STK32B: variants seen among roughly 807,000 people sequenced by gnomAD.
The protein encoded by STK32B is serine/threonine kinase 32B, also known as serine/threonine-protein kinase 32B.
Under a neutral mutation model 52.6 loss-of-function variants are expected in STK32B, and 43 were observed. That is an observed-to-expected ratio of 0.82 (90% confidence interval 0.64 to 1.05). The LOEUF is 1.05. Among genes scored for constraint, STK32B ranks in the 50% least tolerant of loss-of-function variants. The pLI is 0.00. For missense variants in STK32B, 621 were observed against 534.6 expected (o/e 1.16, Z -1.59); for synonymous variants, 238 against 204.3 (o/e 1.17, Z -1.41).
chr4:5,438,438 C>G (rs559067307), intron 6 of STK32B, among the ~76,000 whole-genome samples: 88 of 152,272 alleles, frequency 5.8e-4, no homozygotes, highest in Non-Finnish European at 9.3e-4. Context: ...CAAAAAGATG[C>G]TGAAAATACA....
intron 2 of STK32B, among the ~76,000 whole-genome samples, chr4:5,148,888 T>C (rs570105470): frequency 6.6e-6 from 1 of 151,970 alleles, no homozygotes; most frequent in African/African-American, 2.4e-5. Context: ...TTGCTTCTTA[T>C]ACGTTGAGAT....
intron 3 of STK32B, among the ~76,000 whole-genome samples, chr4:5,316,202 TA>T (rs1194705854): frequency 4.3e-5 from 4 of 93,868 alleles, no homozygotes; most frequent in Admixed American, 1.6e-4. Flanking sequence ...TTTAGATATA[TA>T]ATATATATTA....
chr4:5,045,554 G>C, the STK32B span, among the ~76,000 whole-genome samples: 1 of 152,164 alleles, frequency 6.6e-6, no homozygotes, highest in South Asian at 2.1e-4. Context: ...ATGATGGAAG[G>C]TTTTTCCATT....
chr4:5,451,635 T>C lies in STK32B; in HGVS notation c.666+4859T>C, dbSNP rs1044935598. ...TACAGGTTTCTCCACCTCGGCACTATGGACATTTGAGGCCAGATGATTTTT... is the reference window on the plus strand; with the variant it reads ...TACAGGTTTCTCCACCTCGGCACTACGGACATTTGAGGCCAGATGATTTTT... On this transcript the variant is annotated intron_variant, in intron 7 of 11. Coordinates refer to ENST00000282908, the MANE Select transcript of STK32B (RefSeq NM_018401.3). Among the ~76,000 whole-genome samples the C allele has an allele frequency of 3.9e-5, 6 of 152,160 alleles. No individual in the cohort carries two copies. In the East Asian group the frequency reaches 9.6e-4, roughly 24 times the overall value.
chr4:5,140,614 G>A (rs577990220), intron 2 of STK32B, among the ~76,000 whole-genome samples: 1 of 152,298 alleles, frequency 6.6e-6, no homozygotes, highest in East Asian at 1.9e-4. Flanking sequence ...ACATAGGCGG[G>A]AAGTGTCAAA....
the STK32B span, among the ~76,000 whole-genome samples, chr4:5,033,559 T>TTTTTG: frequency 1.3e-5 from 2 of 152,296 alleles, no homozygotes; most frequent in South Asian, 4.1e-4. Context: ...TGTGAGCAAT[T>TTTTTG]TTTTGTTTTG....
rs567435443 is a variant in STK32B, at chr4:5,136,898, C to G, written c.53-3007C>G. Among the ~76,000 whole-genome samples, 3 of 152,320 alleles carry G rather than the reference C, an allele frequency of 2.0e-5. No homozygotes were observed. In the South Asian group the frequency reaches 6.2e-4, roughly 32 times the overall value. On this transcript the variant is annotated intron_variant, in intron 1 of 11. Transcript: ENST00000282908. The stretch of plus-strand genomic sequence containing the variant: ...GTGCTCAAAGTCATCTACATCCAAT[C>G]TAGTCCAAGAAGCAGACAAGCATTC...
At chr4:5,275,859 A>C (rs1727783283) in intron 3 of STK32B, among the ~76,000 whole-genome samples, 1 of 151,996 alleles carries the variant, frequency 6.6e-6, no homozygotes, top group Non-Finnish European at 1.5e-5. Flanking sequence ...CCTCTCATGT[A>C]AGATTTGTAG....
At chr4:5,130,012 C>A (rs1715651293) in intron 1 of STK32B, among the ~76,000 whole-genome samples, 1 of 152,004 alleles carries the variant, frequency 6.6e-6, no homozygotes, top group African/African-American at 2.4e-5. Context: ...AGGAGAGGTG[C>A]AGACAATAAA....
At chr4:5,268,972 A>T (rs548471911) in intron 3 of STK32B, among the ~76,000 whole-genome samples, 4 of 152,140 alleles carry the variant, frequency 2.6e-5, no homozygotes, top group Non-Finnish European at 5.9e-5. Context: ...ACCCCACATT[A>T]CTGACTTGAG....
chr4:5,149,573 AT>A (rs1297947941), intron 2 of STK32B, among the ~76,000 whole-genome samples: 1 of 151,850 alleles, frequency 6.6e-6, no homozygotes, highest in African/African-American at 2.4e-5. Context: ...GAGGGTTGAT[AT>A]TTTACACTTT....
chr4:5,458,909 C>T (rs1716797533), intron 8 of STK32B: 1 of 152,190 alleles, frequency 6.6e-6, no homozygotes. Flanking sequence ...AAGTCAGTGT[C>T]TCTTAACCCT....
Position 5,051,851 on chromosome 4 carries a change from G to A in STK32B, c.-13G>A. 6.3e-7 allele frequency: 1 copy of A among 1,594,758 alleles called. No individual in the cohort carries two copies. The highest frequency in any genetic ancestry group is 8.5e-7 in the Non-Finnish European group (1 of 1,171,402). ...AGCGGCCGGGCATGTAGCAGCGGCA[G>A]CAACGGCGGAATATGGGCGGGAACC... On this transcript the variant is annotated 5_prime_UTR_variant, in exon 1 of 12. Coordinates refer to ENST00000282908, the MANE Select transcript of STK32B (RefSeq NM_018401.3).
In STK32B at chr4:5,495,660, T is replaced by TA. The variant is rs533240172; in HGVS notation, c.1107-3284dup. On this transcript the variant is annotated intron_variant, in intron 11 of 11. Transcript: ENST00000282908. ...GGAGGAGGAGAGGCACTCTGCTTTT[T>TA]AGAGTTTCCAGTTTTTCTGCTCTGT... 5.5e-3 allele frequency among the ~76,000 whole-genome samples: 838 copies of TA among 152,318 alleles called. 3 individuals carry two copies. Among genetic ancestry groups the TA allele is most frequent in the Non-Finnish European group, 9.7e-3 (661 of 68,030 alleles).
intron 2 of STK32B, among the ~76,000 whole-genome samples, chr4:5,157,610 T>TG (rs1309552288): frequency 6.6e-6 from 1 of 152,214 alleles, no homozygotes; most frequent in African/African-American, 2.4e-5. Context: ...GCAAAGGTCC[T>TG]GAGGCAGGAA....
chr4:5,168,481 G>C, intron 3 of STK32B, 31 bp downstream of exon 3: 1 of 1,595,522 alleles, frequency 6.3e-7, no homozygotes, highest in Non-Finnish European at 8.6e-7. Context: ...GGCTCCTGTG[G>C]GTTCCCCTGT....
chr4:5,246,383 C>A (rs1012770813), intron 3 of STK32B, among the ~76,000 whole-genome samples: 1 of 152,190 alleles, frequency 6.6e-6, no homozygotes, highest in Non-Finnish European at 1.5e-5. Context: ...GAGGCTTGAG[C>A]ATTTGTCACG....
chr4:5,261,877 G>A (rs774795134), intron 3 of STK32B, among the ~76,000 whole-genome samples: 18 of 152,156 alleles, frequency 1.2e-4, no homozygotes, highest in Non-Finnish European at 2.1e-4. Flanking sequence ...GACAGCTAAT[G>A]ATGATCTTGA....
intron 11 of STK32B, among the ~76,000 whole-genome samples, chr4:5,484,413 C>T (rs907086160): frequency 6.6e-6 from 1 of 152,134 alleles, no homozygotes; most frequent in Non-Finnish European, 1.5e-5. Flanking sequence ...ATTGCAACCT[C>T]TGCCTTTTTT....
Sources: allele counts gnomAD v4.1 joint callset (sites outside exome capture counted in the v4.1 genomes callset), GRCh38; gene constraint gnomAD v4.1.1; transcripts MANE v1.5; gene names NCBI Gene and HGNC (gene_info 2026-07-23, HGNC 2026-07-21).